The following RFTN2 variants were observed in gnomAD, a reference collection of about 807,000 sequenced individuals.
RFTN2 encodes raftlin family member 2.
Under a neutral mutation model 52.7 loss-of-function variants are expected in RFTN2, and 34 were observed. That is an observed-to-expected ratio of 0.64 (90% CI 0.49 to 0.86). The LOEUF (loss-of-function observed/expected upper bound fraction) is 0.86, where lower values mean the gene tolerates loss of function less well. Among genes scored for constraint, RFTN2 ranks in the 40% least tolerant of loss-of-function variants. The probability of loss-of-function intolerance (pLI) is 0.00; values close to 1 mark genes in which losing one functional copy is unlikely to be tolerated. For missense variants in RFTN2, 536 were observed against 600.1 expected (o/e 0.89, Z 1.12); for synonymous variants, 203 against 217.7 (o/e 0.93, Z 0.59).
At chr2:197,595,882 G>C (rs2087786727) in intron 8 of RFTN2, 109 bp downstream of exon 8, 1 of 725,238 alleles carries the variant, frequency 1.4e-6, no homozygotes, top group African/African-American at 1.8e-5. Context: ...TGGTTCAGAG[G>C]ACTGTTTCCA....
Position 197,610,984 on chromosome 2 carries a change from G to A in RFTN2, c.1154+4892C>T, listed in dbSNP as rs113559664. On this transcript the variant is annotated intron_variant, in intron 7 of 8. Coordinates refer to ENST00000295049, the MANE Select transcript of RFTN2 (RefSeq NM_144629.3). ...AAGCCGACTTGATTGTGGTGGATAA[G>A]CTTTTTGATGTGCTGCTGGATTCGG... 1.1e-3 allele frequency among the ~76,000 whole-genome samples: 174 copies of A among 152,324 alleles called. 3 individuals carry two copies. Among genetic ancestry groups the A allele is most frequent in the African/African-American group, 4.0e-3 (166 of 41,584 alleles).
intron 1 of RFTN2, among the ~76,000 whole-genome samples, chr2:197,664,290 T>G (rs566349865): frequency 1.4e-5 from 2 of 147,376 alleles, no homozygotes; most frequent in Admixed American, 1.3e-4. Context: ...CTGGGCAACA[T>G]GGCAAAACCC....
chr2:197,626,299 C>T (rs1181162018), intron 5 of RFTN2, among the ~76,000 whole-genome samples: 1 of 152,070 alleles, frequency 6.6e-6, no homozygotes, highest in Non-Finnish European at 1.5e-5. Context: ...GGCACGATGG[C>T]TCACACCTGG....
chr2:197,586,855 CTG>C, intron 8 of RFTN2, among the ~76,000 whole-genome samples: 1 of 152,288 alleles, frequency 6.6e-6, no homozygotes, highest in South Asian at 2.1e-4. Flanking sequence ...CATGAGGACT[CTG>C]TATATTTTTT....
At chr2:197,640,544 C>G (rs2088652532) in intron 3 of RFTN2, among the ~76,000 whole-genome samples, 1 of 152,258 alleles carries the variant, frequency 6.6e-6, no homozygotes, top group Admixed American at 6.5e-5. Context: ...AGGGAACTCC[C>G]TGACCCCTTG....
intron 1 of RFTN2, among the ~76,000 whole-genome samples, chr2:197,647,855 A>G (rs1209576221): frequency 6.6e-6 from 1 of 152,236 alleles, no homozygotes; most frequent in East Asian, 1.9e-4. Context: ...ATCTGTACAG[A>G]CTTTAGAGTA....
At chr2:197,647,910 TC>T (rs1396459006) in intron 1 of RFTN2, among the ~76,000 whole-genome samples, 10 of 152,206 alleles carry the variant, frequency 6.6e-5, no homozygotes. Flanking sequence ...TTCTTAATGA[TC>T]CAGCAGTATT....
intron 8 of RFTN2, among the ~76,000 whole-genome samples, chr2:197,590,889 C>A (rs2087698895): frequency 6.6e-6 from 1 of 152,138 alleles, no homozygotes; most frequent in Non-Finnish European, 1.5e-5. Flanking sequence ...GAGGGAGCAG[C>A]AGCACAATTT....
At chr2:197,587,619 T>C (rs1307417547) in intron 8 of RFTN2, among the ~76,000 whole-genome samples, 1 of 152,052 alleles carries the variant, frequency 6.6e-6, no homozygotes, top group Non-Finnish European at 1.5e-5. Context: ...CTTTCTCCCT[T>C]CGCTGACTCT....
rs1418674648 is a variant in RFTN2 at position 197,619,194 on chromosome 2, G to A, written c.929-1273C>T. Among the ~76,000 whole-genome samples the A allele has an allele frequency of 5.3e-5, 8 of 152,096 alleles. No homozygotes were observed. The East Asian group carries it at 1.2e-3, about 22-fold the overall frequency. On this transcript the variant is annotated intron_variant, in intron 5 of 8. Coordinates refer to ENST00000295049, the MANE Select transcript of RFTN2 (RefSeq NM_144629.3). The stretch of plus-strand genomic sequence containing the variant: ...GCGCCTCTGCCCGGCTGCGCCTACT[G>A]GGAAGTGAGGAGCCCCTCTGCCCGG...
chr2:197,585,392 C>T (rs1481909819), intron 8 of RFTN2, among the ~76,000 whole-genome samples: 3 of 152,184 alleles, frequency 2.0e-5, no homozygotes, highest in African/African-American at 7.2e-5. Context: ...TTCCTTCAAA[C>T]CATCATAACT....
chr2:197,670,205 T>C (rs1248543527), intron 1 of RFTN2, among the ~76,000 whole-genome samples: 1 of 152,206 alleles, frequency 6.6e-6, no homozygotes, highest in Non-Finnish European at 1.5e-5. Context: ...AGAGACCTCA[T>C]ATTTACCATC....
intron 8 of RFTN2, among the ~76,000 whole-genome samples, chr2:197,591,403 CAG>C (rs1451240862): frequency 6.6e-6 from 1 of 152,200 alleles, no homozygotes; most frequent in African/African-American, 2.4e-5. Flanking sequence ...GAACTAGATA[CAG>C]AGTGCGGATT....
intron 8 of RFTN2, 109 bp downstream of exon 8, chr2:197,595,882 G>T: frequency 1.4e-6 from 1 of 725,356 alleles, no homozygotes. Flanking sequence ...TGGTTCAGAG[G>T]ACTGTTTCCA....
chr2:197,665,518 T>C (rs562477814), intron 1 of RFTN2, among the ~76,000 whole-genome samples: 2 of 103,006 alleles, frequency 1.9e-5, no homozygotes, highest in East Asian at 5.3e-4. Context: ...GTACCTTGCC[T>C]TTTTTTTTTT....
At chr2:197,605,962 C>T (rs919204221) in intron 7 of RFTN2, among the ~76,000 whole-genome samples, 16 of 152,144 alleles carry the variant, frequency 1.1e-4, no homozygotes, top group African/African-American at 3.6e-4. Flanking sequence ...TATTCACCTG[C>T]CTTATAGTCA....
chr2:197,608,972 T>G (rs963912120), intron 7 of RFTN2, among the ~76,000 whole-genome samples: 1 of 152,252 alleles, frequency 6.6e-6, no homozygotes, highest in African/African-American at 2.4e-5. Flanking sequence ...TCATCCTTTT[T>G]TTATGGCTGC....
At chr2:197,581,701 C>T (rs1361757782) in intron 8 of RFTN2, among the ~76,000 whole-genome samples, 3 of 152,144 alleles carry the variant, frequency 2.0e-5, no homozygotes, top group Non-Finnish European at 2.9e-5. Flanking sequence ...TTACCTACCT[C>T]GGCATAATTC....
chr2:197,632,695 T>A (rs890410937), intron 4 of RFTN2, among the ~76,000 whole-genome samples: 1 of 152,124 alleles, frequency 6.6e-6, no homozygotes, highest in Non-Finnish European at 1.5e-5. Flanking sequence ...GTGGTGATGA[T>A]GGTGGAGATG....
Sources: gnomAD v4.1 joint callset for allele counts (sites outside exome capture counted in the v4.1 genomes callset) on GRCh38, gnomAD v4.1.1 for gene constraint, MANE v1.5 for transcripts, NCBI Gene and HGNC (gene_info 2026-07-23, HGNC 2026-07-21) for gene names.